The following TMEM132C variants were observed in gnomAD, a reference collection of about 807,000 sequenced individuals.
The protein encoded by TMEM132C is transmembrane protein 132C, also known as protein phosphatase 1, regulatory subunit 152.
Under a neutral mutation model 61.4 loss-of-function variants are expected in TMEM132C, and 29 were observed. That is an observed-to-expected ratio of 0.47 (90% CI 0.35 to 0.64). The LOEUF (loss-of-function observed/expected upper bound fraction) is 0.64, where lower values mean the gene tolerates loss of function less well. TMEM132C is among the 30% of genes least tolerant of loss of function. TMEM132C has a pLI of 0.00. For synonymous variants in TMEM132C, 656 were observed against 633.1 expected (o/e 1.04, Z -0.54); for missense variants, 1,408 against 1,476.9 (o/e 0.95, Z 0.76).
intron 2 of TMEM132C, among the ~76,000 whole-genome samples, chr12:128,446,480 C>T (rs898666176): frequency 3.9e-5 from 6 of 152,242 alleles, no homozygotes; most frequent in African/African-American, 1.4e-4. Flanking sequence ...CCAAACTTTC[C>T]TGATCATGAG....
At chr12:128,667,104 G>C (rs1365554500) in intron 4 of TMEM132C, among the ~76,000 whole-genome samples, 1 of 152,238 alleles carries the variant, frequency 6.6e-6, no homozygotes, top group Non-Finnish European at 1.5e-5. Context: ...GATAGAGATA[G>C]AGATAGAGAT....
At chr12:128,603,900 C>T (rs911039303) in intron 3 of TMEM132C, among the ~76,000 whole-genome samples, 2 of 152,168 alleles carry the variant, frequency 1.3e-5, no homozygotes, top group Admixed American at 1.3e-4. Context: ...AAGGAAAGGA[C>T]TCTGATTGTG....
At chr12:128,405,073 G>A (rs981909599) in intron 1 of TMEM132C, among the ~76,000 whole-genome samples, 26 of 146,754 alleles carry the variant, frequency 1.8e-4, no homozygotes, top group African/African-American at 5.5e-4. Flanking sequence ...GACTTTTCCA[G>A]GGGTATTGTT....
chr12:128,527,037 A>G (rs1873110321), intron 2 of TMEM132C, among the ~76,000 whole-genome samples: 1 of 152,012 alleles, frequency 6.6e-6, no homozygotes, highest in Non-Finnish European at 1.5e-5. Flanking sequence ...TCACTGCCTG[A>G]CTCCCTGGCA....
At chr12:128,426,754 G>T (rs1869198595) in intron 2 of TMEM132C, among the ~76,000 whole-genome samples, 1 of 152,094 alleles carries the variant, frequency 6.6e-6, no homozygotes. Flanking sequence ...CAGCTCCCGT[G>T]AAACATTGGA....
At chr12:128,447,835 T>C (rs1870041677) in intron 2 of TMEM132C, among the ~76,000 whole-genome samples, 1 of 128,700 alleles carries the variant, frequency 7.8e-6, no homozygotes, top group Non-Finnish European at 1.6e-5. Context: ...CACGCCATTC[T>C]CCTGCCTCAG....
intron 1 of TMEM132C, among the ~76,000 whole-genome samples, chr12:128,388,813 C>G (rs1179415845): frequency 5.9e-5 from 9 of 152,234 alleles, no homozygotes; most frequent in African/African-American, 2.2e-4. Flanking sequence ...TTCGGTTGCC[C>G]TAGTTTTGAT....
At chr12:128,534,215 C>T (rs766871512) in intron 2 of TMEM132C, among the ~76,000 whole-genome samples, 1 of 152,088 alleles carries the variant, frequency 6.6e-6, no homozygotes, top group Admixed American at 6.6e-5. Flanking sequence ...TTTTTTGTTT[C>T]GTTTGGGTTT....
intron 4 of TMEM132C, among the ~76,000 whole-genome samples, chr12:128,646,799 A>ATG (rs200788176): frequency 6.7e-6 from 1 of 148,396 alleles, no homozygotes; most frequent in African/African-American, 2.5e-5. Flanking sequence ...TCAGCATTGG[A>ATG]TGAGTGTGTT....
At chr12:128,439,685 G>A (rs533988105) in intron 2 of TMEM132C, among the ~76,000 whole-genome samples, 1 of 152,246 alleles carries the variant, frequency 6.6e-6, no homozygotes, top group South Asian at 2.1e-4. Context: ...GCCATCTGGA[G>A]ACCCAGAGGC....
At chr12:128,524,199 G>A (rs566263276) in intron 2 of TMEM132C, among the ~76,000 whole-genome samples, 1 of 152,236 alleles carries the variant, frequency 6.6e-6, no homozygotes, top group Admixed American at 6.5e-5. Flanking sequence ...TAGAGTCCAG[G>A]GCAACTGAAT....
At chr12:128,540,283 T>C (rs12816466) in intron 2 of TMEM132C, among the ~76,000 whole-genome samples, 70,127 of 152,026 alleles carry the variant, frequency 0.46, 18,767 homozygotes, top group Non-Finnish European at 0.6. Context: ...GAGACAGAGT[T>C]TCGCTCTGTC....
chr12:128,418,487 CT>C (rs1243753669), intron 2 of TMEM132C, among the ~76,000 whole-genome samples: 4 of 152,236 alleles, frequency 2.6e-5, no homozygotes, highest in Admixed American at 1.3e-4. Context: ...TTCTCTCCCC[CT>C]CTGTCCAATT....
At chr12:128,516,325 C>T (rs73159885) in intron 2 of TMEM132C, among the ~76,000 whole-genome samples, 7,897 of 152,238 alleles carry the variant, frequency 0.052, 279 homozygotes, top group Non-Finnish European at 0.08. Context: ...CACGACATGG[C>T]AGCTCTCACG....
At chr12:128,289,947 G>T (rs748019694) in intron 1 of TMEM132C, among the ~76,000 whole-genome samples, 9 of 152,146 alleles carry the variant, frequency 5.9e-5, no homozygotes, top group Non-Finnish European at 7.4e-5. Context: ...CTGAGGCCCT[G>T]ATGAAGATGG....
At chr12:128,271,604 A>G (rs1413673150) in intron 1 of TMEM132C, among the ~76,000 whole-genome samples, 6 of 152,190 alleles carry the variant, frequency 3.9e-5, no homozygotes, top group African/African-American at 1.4e-4. Flanking sequence ...AATTTCTTTT[A>G]TGGCTACCTT....
chr12:128,599,995 G>GT (rs946682514), intron 3 of TMEM132C, among the ~76,000 whole-genome samples: 32 of 152,066 alleles, frequency 2.1e-4, no homozygotes, highest in Admixed American at 9.2e-4. Context: ...TTGTTTTTGT[G>GT]TTTTTTTGAG....
rs553280554 is a variant in TMEM132C, at chr12:128,535,425, G to A, written c.975-8532G>A. 2.4e-4 allele frequency among the ~76,000 whole-genome samples: 36 copies of A among 152,242 alleles called. No individual in the cohort carries two copies. The South Asian group carries it at 4.8e-3, about 20-fold the overall frequency. ...CAAACAACCCCATGAAAAAGTGGGCGAAGGATATGAACAGACACTTCGCAA... is the reference window on the plus strand; with the variant it reads ...CAAACAACCCCATGAAAAAGTGGGCAAAGGATATGAACAGACACTTCGCAA... On this transcript the variant is annotated intron_variant, in intron 2 of 8. Coordinates refer to ENST00000435159, the MANE Select transcript of TMEM132C (RefSeq NM_001136103.3).
At chr12:128,348,263 T>C (rs1683736) in intron 1 of TMEM132C, among the ~76,000 whole-genome samples, 131,145 of 152,218 alleles carry the variant, frequency 0.86, 57,905 homozygotes, top group East Asian at 1. Context: ...AGAAATACCA[T>C]TGATGCCTGC....
Sources: allele counts gnomAD v4.1 joint callset (sites outside exome capture counted in the v4.1 genomes callset), GRCh38; gene constraint gnomAD v4.1.1; transcripts MANE v1.5; gene names NCBI Gene and HGNC (gene_info 2026-07-23, HGNC 2026-07-21).